TJP1: variants seen among roughly 807,000 people sequenced by gnomAD.
TJP1 encodes tight junction protein ZO-1.
In TJP1, 43 loss-of-function variants were observed where a neutral mutation model predicts 194.2. The ratio of observed to expected loss-of-function variants is 0.22; its 90% CI spans 0.17 to 0.29. The LOEUF is 0.29. Among genes scored for constraint, TJP1 ranks in the 10% least tolerant of loss-of-function variants. The probability of loss-of-function intolerance (pLI) is 1.00; values close to 1 mark genes in which losing one functional copy is unlikely to be tolerated. For missense variants in TJP1, 1,971 were observed against 2,185.7 expected (o/e 0.90, Z 1.96); for synonymous variants, 801 against 779.0 (o/e 1.03, Z -0.47).
intron 2 of TJP1, among the ~76,000 whole-genome samples, chr15:29,860,364 A>C (rs1311243140): frequency 6.6e-6 from 1 of 152,064 alleles, no homozygotes; most frequent in African/African-American, 2.4e-5. Context: ...GTCCAGAGGC[A>C]CCCTTGGATT....
chr15:29,732,806 C>T lies in TJP1; in HGVS notation c.1746G>A (p.Gln582=). 1 of 1,585,254 alleles carries T rather than the reference C, an allele frequency of 6.3e-7. No homozygotes were observed. The highest frequency in any genetic ancestry group is 1.2e-5 in the South Asian group (1 of 85,978). ...GIIPNKNRAE[Q]LASVQYTLPK... Reference sequence around the variant, plus strand: ...GAAGTGTATACTGTACACTGGCTAGCTGCTCAGCTCTACACAAGAAAGGAG... The same window carrying T: ...GAAGTGTATACTGTACACTGGCTAGTTGCTCAGCTCTACACAAGAAAGGAG... Residue 582 remains glutamine (Q), a synonymous_variant, in exon 14 of 28, where the codon CAG becomes CAA. Transcript: ENST00000614355.
chr15:29,912,008 G>A (rs748496034), intron 2 of TJP1, among the ~76,000 whole-genome samples: 1 of 152,164 alleles, frequency 6.6e-6, no homozygotes, highest in Non-Finnish European at 1.5e-5. Context: ...CCACAGACTG[G>A]GTGGCTTTAA....
intron 2 of TJP1, among the ~76,000 whole-genome samples, chr15:29,879,878 T>C (rs1222556986): frequency 1.3e-5 from 2 of 152,056 alleles, no homozygotes; most frequent in Non-Finnish European, 2.9e-5. Context: ...GCCCAGCTAA[T>C]TTTTTGTATT....
intron 2 of TJP1, among the ~76,000 whole-genome samples, chr15:29,953,140 ATTTTTT>A (rs71416442): frequency 1.8e-5 from 2 of 110,978 alleles, no homozygotes; most frequent in African/African-American, 6.4e-5. Flanking sequence ...AAGAAGACAG[ATTTTTT>A]TTTTTTTTTT....
In TJP1 at chr15:29,718,278, A is replaced by C; in HGVS notation, c.3864T>G (p.Thr1288=). ...AAGACATATTTACCTTAAAACTGCC[A>C]GTGTCATTTACATCCTTCTTGGTCT... ...SLETKKDVND[T]GSFKPPEVAS... is the part of the protein sequence containing the mutation. The change falls in exon 21 of 28, where the codon ACT becomes ACG. Residue 1288 remains threonine, a synonymous_variant. Coordinates refer to ENST00000614355, the MANE Select transcript of TJP1 (RefSeq NM_001330239.4). The C allele has an allele frequency of 6.2e-7, 1 of 1,612,856 alleles. No homozygotes were observed. The highest frequency in any genetic ancestry group is 8.5e-7 in the Non-Finnish European group (1 of 1,179,448).
intron 2 of TJP1, among the ~76,000 whole-genome samples, chr15:29,788,317 G>T (rs2047837387): frequency 1.3e-5 from 2 of 152,088 alleles, no homozygotes; most frequent in African/African-American, 4.8e-5. Context: ...TTTTGATGGG[G>T]TCCAATGTAT....
intron 1 of TJP1, among the ~76,000 whole-genome samples, chr15:29,957,560 G>A (rs372279898): frequency 1.4e-4 from 22 of 151,948 alleles, no homozygotes; most frequent in African/African-American, 2.9e-4. Flanking sequence ...ATATCTTAAC[G>A]TTCTTCCCAT....
intron 13 of TJP1, 131 bp downstream of exon 13, chr15:29,732,963 T>G: frequency 1.6e-6 from 2 of 1,260,106 alleles, no homozygotes; most frequent in South Asian, 3.1e-5. Context: ...TTTGTAAACC[T>G]AAGTCAGTTA....
intron 2 of TJP1, among the ~76,000 whole-genome samples, chr15:29,856,070 T>A (rs2051839336): frequency 6.6e-6 from 1 of 152,162 alleles, no homozygotes; most frequent in Non-Finnish European, 1.5e-5. Context: ...ACAACTGTGC[T>A]TCAGCTGATG....
Position 29,726,451 on chromosome 15 carries a change from A to G in TJP1, c.2340T>C (p.Asp780=). The change falls in exon 18 of 28, where the codon GAT becomes GAC. Residue 780 remains aspartate, a synonymous_variant. Coordinates refer to ENST00000614355, the MANE Select transcript of TJP1 (RefSeq NM_001330239.4). ...TTTINLNSMN[D]GWYGALKEAI... ...CTTCTTTCAGCGCACCATACCAACC[A>G]TCATTCATTGAATTTAAGTTAATTG... is the stretch of plus-strand genomic sequence containing the variant. 2 of 1,614,134 alleles carry G rather than the reference A, an allele frequency of 1.2e-6. No individual in the cohort carries two copies. The highest frequency in any genetic ancestry group is 1.7e-6 in the Non-Finnish European group (2 of 1,179,994).
intron 2 of TJP1, among the ~76,000 whole-genome samples, chr15:29,862,438 G>A (rs572984412): frequency 7.2e-5 from 11 of 151,942 alleles, no homozygotes; most frequent in African/African-American, 2.4e-4. Context: ...ATTCACCAGG[G>A]AGGATCATTC....
intron 1 of TJP1, among the ~76,000 whole-genome samples, chr15:29,959,124 G>T (rs1016531968): frequency 6.6e-6 from 1 of 151,668 alleles, no homozygotes; most frequent in African/African-American, 2.4e-5. Flanking sequence ...CGGGCAGCTG[G>T]GACTACAGGC....
chr15:29,706,924 G>T (rs560732581), intron 25 of TJP1, among the ~76,000 whole-genome samples: 2 of 152,172 alleles, frequency 1.3e-5, no homozygotes, highest in South Asian at 4.2e-4. Flanking sequence ...GAAAGTGCTG[G>T]GATTAGAGGC....
intron 18 of TJP1, among the ~76,000 whole-genome samples, chr15:29,721,046 G>A (rs1303602650): frequency 6.6e-6 from 1 of 152,198 alleles, no homozygotes; most frequent in African/African-American, 2.4e-5. Context: ...TTTTAAGCAA[G>A]GGGAAGAGGG....
intron 2 of TJP1, among the ~76,000 whole-genome samples, chr15:29,844,957 A>C (rs1255335028): frequency 6.6e-6 from 1 of 152,182 alleles, no homozygotes; most frequent in Non-Finnish European, 1.5e-5. Context: ...ATGGTGACTA[A>C]GTTTGAGTGG....
chr15:29,842,532 CA>C (rs2051262559), intron 2 of TJP1, among the ~76,000 whole-genome samples: 1 of 152,128 alleles, frequency 6.6e-6, no homozygotes, highest in African/African-American at 2.4e-5. Flanking sequence ...CACGGCTTTG[CA>C]ATGTGGGAGG....
chr15:29,867,144 G>A (rs1054540472), intron 2 of TJP1, among the ~76,000 whole-genome samples: 1 of 152,196 alleles, frequency 6.6e-6, no homozygotes, highest in African/African-American at 2.4e-5. Context: ...GGTGGAAAGA[G>A]CAATTTCTGA....
At chr15:29,838,992 CTTTTT>C (rs760557407) in intron 2 of TJP1, among the ~76,000 whole-genome samples, 3 of 83,444 alleles carry the variant, frequency 3.6e-5, no homozygotes, top group African/African-American at 1.0e-4. Context: ...AAAAATTCAC[CTTTTT>C]TTTTTTTTTT....
At chr15:29,875,515 C>A (rs1221495155) in intron 2 of TJP1, among the ~76,000 whole-genome samples, 2 of 152,158 alleles carry the variant, frequency 1.3e-5, no homozygotes, top group Non-Finnish European at 2.9e-5. Context: ...GTGTTCAAAT[C>A]CATAAATTCT....
Sources: allele counts gnomAD v4.1 joint callset (sites outside exome capture counted in the v4.1 genomes callset), GRCh38; gene constraint gnomAD v4.1.1; transcripts MANE v1.5; gene names NCBI Gene and HGNC (gene_info 2026-07-23, HGNC 2026-07-21).